PARG: variants seen among roughly 807,000 people sequenced by gnomAD.
PARG encodes mitochondrial poly(ADP-ribose) glycohydrolase.
In PARG, 35 loss-of-function variants were observed where a neutral mutation model predicts 113.0. That is an observed-to-expected ratio of 0.31 (90% CI 0.24 to 0.41). The LOEUF is 0.41. Among genes scored for constraint, PARG ranks in the 10% least tolerant of loss-of-function variants. PARG has a pLI of 1.00. For synonymous variants in PARG, 330 were observed against 409.9 expected (o/e 0.81, Z 2.36); for missense variants, 797 against 1,169.4 (o/e 0.68, Z 4.64).
At position 49,843,660 on chromosome 10, in the gene PARG, C is replaced by T. The variant is rs1258355014; in HGVS notation, c.2354-28G>A. 2.3e-5 allele frequency: 33 copies of T among 1,436,332 alleles called. No homozygotes were observed. In the Admixed American group the frequency reaches 4.7e-4, roughly 21 times the overall value. 89.0% of individuals were successfully genotyped at this position (1,436,332 alleles called of 1,614,324 possible). ...GAAACAAACAATCTGTCACTATTAA[C>T]TTCACACTTGATGGCAAAAACATTC... On this transcript the variant is annotated intron_variant, in intron 13 of 17. Coordinates refer to ENST00000616448, the MANE Select transcript of PARG (RefSeq NM_003631.5).
At chr10:49,915,230 A>G (rs148461322) in intron 7 of PARG, among the ~76,000 whole-genome samples, 1,522 of 151,832 alleles carry the variant, frequency 0.01, 15 homozygotes, top group Non-Finnish European at 0.016. Context: ...TGCAAGTCAT[A>G]TATCTGGTAA....
intron 4 of PARG, among the ~76,000 whole-genome samples, chr10:49,927,369 G>GGAAAGAAA (rs200282973): frequency 0.033 from 4,341 of 130,630 alleles, 142 homozygotes; most frequent in African/African-American, 0.079. Flanking sequence ...AAGGAAAGAA[G>GGAAAGAAA]GAAAGAAAGA....
chr10:49,830,148 C>T (rs2132387754), intron 16 of PARG, among the ~76,000 whole-genome samples: 1 of 151,936 alleles, frequency 6.6e-6, no homozygotes, highest in Admixed American at 6.6e-5. Flanking sequence ...GGCTTTTAAG[C>T]CAGAAAAAAA....
chr10:49,922,495 C>T (rs1316514077), intron 5 of PARG, 52 bp downstream of exon 5: 12 of 1,610,016 alleles, frequency 7.5e-6, no homozygotes, highest in African/African-American at 1.3e-5. Flanking sequence ...GTCAAACAAG[C>T]AAGTACCAAA....
At chr10:49,910,535 C>G (rs1311903547) in intron 7 of PARG, among the ~76,000 whole-genome samples, 38 of 151,998 alleles carry the variant, frequency 2.5e-4, no homozygotes, top group African/African-American at 8.9e-4. Flanking sequence ...ACCAAAACCA[C>G]TTCATTTTGT....
chr10:49,912,129 GTC>G (rs1837220880), intron 7 of PARG, among the ~76,000 whole-genome samples: 2 of 151,898 alleles, frequency 1.3e-5, no homozygotes, highest in Non-Finnish European at 2.9e-5. Context: ...GTGAAACCCT[GTC>G]TCTACCAAAA....
At chr10:49,878,054 T>TGG (rs1167913135) in intron 9 of PARG, among the ~76,000 whole-genome samples, 1 of 152,158 alleles carries the variant, frequency 6.6e-6, no homozygotes, top group Non-Finnish European at 1.5e-5. Flanking sequence ...AGAAGTATCA[T>TGG]GATCCCCCTG....
chr10:49,819,982 T>A (rs761873096), intron 17 of PARG, among the ~76,000 whole-genome samples, 183 bp downstream of exon 17: 1 of 152,224 alleles, frequency 6.6e-6, no homozygotes, highest in African/African-American at 2.4e-5. Context: ...AGACTGTGGA[T>A]GAAACTCTGC....
chr10:49,859,740 C>T (rs1306706150), intron 12 of PARG, among the ~76,000 whole-genome samples: 4 of 152,210 alleles, frequency 2.6e-5, no homozygotes, highest in Non-Finnish European at 4.4e-5. Context: ...AAAAGGCCCA[C>T]ATTTTTAACT....
At chr10:49,838,112 C>T (rs74131140) in intron 15 of PARG, among the ~76,000 whole-genome samples, 6,903 of 152,198 alleles carry the variant, frequency 0.045, 223 homozygotes, top group African/African-American at 0.083. Flanking sequence ...TTATAGTAGT[C>T]TCTATGTGCA....
chr10:49,893,049 C>T (rs1190631000), intron 7 of PARG, among the ~76,000 whole-genome samples: 1 of 152,134 alleles, frequency 6.6e-6, no homozygotes, highest in Non-Finnish European at 1.5e-5. Context: ...CATTCTTCTA[C>T]AAATCTTTTT....
rs1458363699 is a variant in PARG, at chr10:49,892,072, A to C, written c.1738-6777T>G. ...TTGGGAGGCTGAGGTGGGTGGATCAACTATGTTCCTAATAGTAACATAACC... is the reference window on the plus strand; with the variant it reads ...TTGGGAGGCTGAGGTGGGTGGATCACCTATGTTCCTAATAGTAACATAACC... On this transcript the variant is annotated intron_variant, in intron 7 of 17. Coordinates refer to ENST00000616448, the MANE Select transcript of PARG (RefSeq NM_003631.5). Among the ~76,000 whole-genome samples, 14 of 152,190 alleles carry C rather than the reference A, an allele frequency of 9.2e-5. 1 individual carries two copies. The highest frequency in any genetic ancestry group is 3.4e-4 in the African/African-American group (14 of 41,534).
intron 15 of PARG, among the ~76,000 whole-genome samples, chr10:49,841,367 A>C (rs571164528): frequency 9.2e-5 from 14 of 152,340 alleles, no homozygotes; most frequent in African/African-American, 3.1e-4. Flanking sequence ...GAACAGAATC[A>C]GCTCTCTGTT....
intron 15 of PARG, among the ~76,000 whole-genome samples, chr10:49,839,335 C>CA (rs782231185): frequency 0.033 from 3,655 of 112,114 alleles, 102 homozygotes; most frequent in African/African-American, 0.089. Flanking sequence ...AATTCCGTCT[C>CA]AAAAAAAAAA....
intron 7 of PARG, among the ~76,000 whole-genome samples, chr10:49,913,325 G>A (rs1554846807): frequency 1.3e-5 from 2 of 152,204 alleles, no homozygotes; most frequent in African/African-American, 2.4e-5. Flanking sequence ...CTCTAGATAA[G>A]CTTTACACAA....
chr10:49,832,730 G>A (rs1469160175), intron 16 of PARG, 73 bp downstream of exon 16: 3 of 740,896 alleles, frequency 4.0e-6, no homozygotes, highest in African/African-American at 3.6e-5. Flanking sequence ...GACAGGACAT[G>A]AGAAATCTGG....
At chr10:49,882,203 A>C (rs1847248936) in intron 8 of PARG, among the ~76,000 whole-genome samples, 1 of 150,934 alleles carries the variant, frequency 6.6e-6, no homozygotes, top group African/African-American at 2.4e-5. Context: ...AGGAGATGTA[A>C]ATCTTACTGT....
chr10:49,899,751 C>T (rs1390586352), intron 7 of PARG, among the ~76,000 whole-genome samples: 4 of 151,874 alleles, frequency 2.6e-5, no homozygotes, highest in Non-Finnish European at 4.4e-5. Flanking sequence ...ATACAAATGG[C>T]TGTGCTGAGG....
At chr10:49,892,394 AAC>A (rs1847851719) in intron 7 of PARG, among the ~76,000 whole-genome samples, 1 of 152,186 alleles carries the variant, frequency 6.6e-6, no homozygotes. Context: ...TGTGCATATA[AAC>A]ACACAGTTTT....
Sources: gnomAD v4.1 joint callset for allele counts (sites outside exome capture counted in the v4.1 genomes callset) on GRCh38, gnomAD v4.1.1 for gene constraint, MANE v1.5 for transcripts, NCBI Gene and HGNC (gene_info 2026-07-23, HGNC 2026-07-21) for gene names.